Variants in MYO16 observed in about 807,000 individuals in gnomAD.
MYO16 encodes the protein myosin XVI, also known as unconventional myosin-XVI.
MYO16 carries 94 observed loss-of-function variants against 205.3 expected under a neutral mutation model. The observed-to-expected ratio is 0.46, with a 90% CI of 0.39 to 0.54. The LOEUF (loss-of-function observed/expected upper bound fraction) is 0.54, where lower values mean the gene tolerates loss of function less well. Among genes scored for constraint, MYO16 ranks in the 20% least tolerant of loss-of-function variants. MYO16 has a pLI of 0.00. For synonymous variants in MYO16, 988 were observed against 954.0 expected, an observed-to-expected ratio of 1.04 and a Z score of -0.66; for missense variants, 2,315 against 2,387.5, an observed-to-expected ratio of 0.97 and a Z score of 0.63.
At chr13:109,086,159 A>G (rs1251980340) in intron 27 of MYO16, among the ~76,000 whole-genome samples, 5 of 152,240 alleles carry the variant, frequency 3.3e-5, no homozygotes, top group Admixed American at 6.5e-5. Flanking sequence ...GAAGTTTTCT[A>G]TATCCACAGA....
In MYO16 at chr13:108,916,755, C is replaced by T. The variant is rs554624519; in HGVS notation, c.1925+6605C>T. 5.3e-5 allele frequency among the ~76,000 whole-genome samples: 8 copies of T among 152,230 alleles called. No individual in the cohort carries two copies. In the South Asian group the frequency reaches 1.2e-3, roughly 24 times the overall value. ...TGAGAGGAATTGGGTCAGTGGCTTC[C>T]GTCCTGCCTTCTGTTCTTGATGTTA... On this transcript the variant is annotated intron_variant, in intron 16 of 34. Coordinates refer to ENST00000457511, the MANE Select transcript of MYO16 (RefSeq NM_001198950.3).
intron 22 of MYO16, among the ~76,000 whole-genome samples, chr13:109,015,553 G>A (rs978527825): frequency 6.6e-6 from 1 of 152,122 alleles, no homozygotes; most frequent in Non-Finnish European, 1.5e-5. Context: ...GCTCCTCTCT[G>A]TACCTCTGGT....
At chr13:108,608,695 T>G (rs1410322727) in intron 1 of MYO16, among the ~76,000 whole-genome samples, 1 of 151,798 alleles carries the variant, frequency 6.6e-6, no homozygotes, top group Non-Finnish European at 1.5e-5. Flanking sequence ...CAGGCTAGAG[T>G]GTGGTGGCAC....
intron 9 of MYO16, among the ~76,000 whole-genome samples, chr13:108,824,866 A>G (rs1285629424): frequency 6.6e-6 from 1 of 152,144 alleles, no homozygotes; most frequent in Non-Finnish European, 1.5e-5. Context: ...TCAAGAAGAA[A>G]GAGAACATTG....
At chr13:108,631,951 G>A (rs1407091203) in intron 1 of MYO16, among the ~76,000 whole-genome samples, 1 of 151,982 alleles carries the variant, frequency 6.6e-6, no homozygotes, top group Non-Finnish European at 1.5e-5. Flanking sequence ...GGTGGTGGGA[G>A]CCTGTAATCC....
At chr13:108,618,120 T>A (rs1280278022) in intron 1 of MYO16, among the ~76,000 whole-genome samples, 1 of 152,210 alleles carries the variant, frequency 6.6e-6, no homozygotes, top group East Asian at 1.9e-4. Context: ...AGGAGCTTTT[T>A]AAATAAGTTT....
intron 28 of MYO16, among the ~76,000 whole-genome samples, chr13:109,104,963 C>A (rs1889077488): frequency 6.6e-6 from 1 of 152,090 alleles, no homozygotes; most frequent in African/African-American, 2.4e-5. Context: ...GATTGCAGTC[C>A]TTAACATGCT....
chr13:108,662,584 C>T (rs1044249792), intron 1 of MYO16, among the ~76,000 whole-genome samples: 4 of 152,050 alleles, frequency 2.6e-5, no homozygotes, highest in Admixed American at 2.0e-4. Flanking sequence ...CAGTCACGGG[C>T]CAGGCAAACC....
chr13:109,137,031 A>G (rs1296729540), intron 31 of MYO16, among the ~76,000 whole-genome samples: 2 of 152,204 alleles, frequency 1.3e-5, no homozygotes, highest in African/African-American at 4.8e-5. Context: ...GCAGTCAGAT[A>G]GTGATCACTG....
the MYO16 span, among the ~76,000 whole-genome samples, chr13:108,573,365 T>G: frequency 6.6e-6 from 1 of 152,176 alleles, no homozygotes; most frequent in Non-Finnish European, 1.5e-5. Context: ...TGTCATTTTT[T>G]AAAAAATAAA....
intron 1 of MYO16, among the ~76,000 whole-genome samples, chr13:108,615,118 A>G (rs75764673): frequency 0.28 from 42,066 of 151,938 alleles, 5,968 homozygotes; most frequent in East Asian, 0.45. Context: ...CAATAAAAAG[A>G]CAACCCAATA....
chr13:108,739,737 A>C (rs898511652), intron 4 of MYO16, among the ~76,000 whole-genome samples: 1 of 152,196 alleles, frequency 6.6e-6, no homozygotes, highest in African/African-American at 2.4e-5. Flanking sequence ...GTGTTTTCCA[A>C]CTTGGTTCCA....
the MYO16 span, among the ~76,000 whole-genome samples, chr13:108,533,246 G>T: frequency 2.6e-5 from 4 of 152,124 alleles, no homozygotes; most frequent in Admixed American, 1.3e-4. Context: ...CTCCCGAGAG[G>T]TAACTATTTA....
the MYO16 span, among the ~76,000 whole-genome samples, chr13:108,519,384 T>C: frequency 6.6e-6 from 1 of 152,180 alleles, no homozygotes; most frequent in Non-Finnish European, 1.5e-5. Flanking sequence ...TCTCTCTTTC[T>C]TTGTACTCCC....
the MYO16 span, among the ~76,000 whole-genome samples, chr13:108,504,526 C>A: frequency 6.6e-6 from 1 of 151,840 alleles, no homozygotes; most frequent in Non-Finnish European, 1.5e-5. Context: ...TAACCACATT[C>A]TCTCTCTCTC....
intron 17 of MYO16, among the ~76,000 whole-genome samples, chr13:108,959,653 G>A (rs1883506917): frequency 2.6e-5 from 4 of 152,198 alleles, no homozygotes; most frequent in Admixed American, 2.0e-4. Context: ...TTCTGGGCCA[G>A]TGAAGTCCTT....
intron 27 of MYO16, among the ~76,000 whole-genome samples, chr13:109,071,074 A>G (rs1887909534): frequency 6.6e-6 from 1 of 152,182 alleles, no homozygotes; most frequent in Non-Finnish European, 1.5e-5. Context: ...ATATGACATA[A>G]AGATGTCCAT....
chr13:109,081,578 G>C (rs1888282135), intron 27 of MYO16, among the ~76,000 whole-genome samples: 1 of 152,122 alleles, frequency 6.6e-6, no homozygotes, highest in Non-Finnish European at 1.5e-5. Context: ...CAGGGGCCTT[G>C]AGCAACGATG....
At chr13:109,116,130 T>C (rs577676464) in intron 28 of MYO16, among the ~76,000 whole-genome samples, 2 of 152,308 alleles carry the variant, frequency 1.3e-5, no homozygotes, top group East Asian at 1.9e-4. Context: ...AAGTAGTTGA[T>C]TGAAGAATTT....
Sources: gnomAD v4.1 joint callset for allele counts (sites outside exome capture counted in the v4.1 genomes callset) on GRCh38, gnomAD v4.1.1 for gene constraint, MANE v1.5 for transcripts, NCBI Gene and HGNC (gene_info 2026-07-23, HGNC 2026-07-21) for gene names.